Variants in GALNT13 observed in about 807,000 individuals in gnomAD.
The protein encoded by GALNT13 is UDP-GalNAc:polypeptide N-acetylgalactosaminyltransferase 13.
A neutral mutation model predicts 64.2 loss-of-function variants in GALNT13; 28 were observed. That is an observed-to-expected ratio of 0.44 (90% confidence interval 0.32 to 0.60). The LOEUF is 0.60. Among genes scored for constraint, GALNT13 ranks in the 20% least tolerant of loss-of-function variants. The probability of loss-of-function intolerance (pLI) is 0.05; values close to 1 mark genes in which losing one functional copy is unlikely to be tolerated. For synonymous variants in GALNT13, 214 were observed against 224.6 expected (o/e 0.95, Z 0.42); for missense variants, 577 against 669.8 (o/e 0.86, Z 1.53).
the GALNT13 span, among the ~76,000 whole-genome samples, chr2:153,527,765 A>C: frequency 2.6e-5 from 4 of 152,120 alleles, no homozygotes; most frequent in African/African-American, 9.6e-5. Context: ...GAATAACAAA[A>C]AGTTAAAAAG....
the GALNT13 span, among the ~76,000 whole-genome samples, chr2:153,659,452 C>T: frequency 1.5e-3 from 223 of 152,246 alleles, 2 homozygotes; most frequent in Middle Eastern, 6.8e-3. Context: ...CTGTTCATAT[C>T]TTTGCCTATC....
intron 3 of GALNT13, among the ~76,000 whole-genome samples, chr2:153,965,878 T>A (rs1159066186): frequency 2.0e-5 from 3 of 151,780 alleles, no homozygotes; most frequent in Non-Finnish European, 4.4e-5. Context: ...TTGTCTCTAC[T>A]TATATATTTT....
rs539286563 is a variant in GALNT13 at position 154,021,871 on chromosome 2, A to G, written c.142+77232A>G. On this transcript the variant is annotated intron_variant, in intron 3 of 12. Transcript: ENST00000392825. ...GATAGCTCTTATTATTTTGAGATAC[A>G]TCCCATCAATACCTAATTTATTGAG... 4.6e-3 allele frequency among the ~76,000 whole-genome samples: 695 copies of G among 150,956 alleles called. 4 individuals are homozygous for G. The highest frequency in any genetic ancestry group is 0.013 in the African/African-American group (548 of 40,982).
At chr2:153,855,341 T>G in the GALNT13 span, among the ~76,000 whole-genome samples, 1 of 152,068 alleles carries the variant, frequency 6.6e-6, no homozygotes, top group Non-Finnish European at 1.5e-5. Context: ...AACAAAGAAT[T>G]GAGAACTTTT....
intron 3 of GALNT13, among the ~76,000 whole-genome samples, chr2:153,993,786 CTT>C (rs1446548416): frequency 1.3e-5 from 2 of 151,106 alleles, no homozygotes; most frequent in African/African-American, 2.4e-5. Context: ...GTGGTAATGA[CTT>C]TTATTCTTTT....
At chr2:154,447,355 A>C (rs1269837619) in intron 12 of GALNT13, among the ~76,000 whole-genome samples, 2 of 151,936 alleles carry the variant, frequency 1.3e-5, no homozygotes, top group Non-Finnish European at 2.9e-5. Flanking sequence ...GTGGTTGCCT[A>C]AGTGAAACAA....
At chr2:153,291,565 C>T in the GALNT13 span, among the ~76,000 whole-genome samples, 1 of 152,092 alleles carries the variant, frequency 6.6e-6, no homozygotes, top group Non-Finnish European at 1.5e-5. Context: ...TCCCCACCAC[C>T]ATGCTGGGCC....
intron 3 of GALNT13, among the ~76,000 whole-genome samples, chr2:154,026,262 A>T (rs925239014): frequency 2.0e-5 from 3 of 152,162 alleles, no homozygotes; most frequent in African/African-American, 7.2e-5. Context: ...GATATTTGAC[A>T]ACTAGTTGGC....
the GALNT13 span, among the ~76,000 whole-genome samples, chr2:153,618,904 G>T: frequency 2.0e-5 from 3 of 151,862 alleles, no homozygotes; most frequent in East Asian, 5.8e-4. Context: ...TTTAGTCTGT[G>T]GTGTGTCTTT....
chr2:154,325,727 C>G (rs535260717), intron 9 of GALNT13, among the ~76,000 whole-genome samples: 52 of 152,026 alleles, frequency 3.4e-4, no homozygotes, highest in African/African-American at 1.2e-3. Context: ...TCACCTCATG[C>G]ATTGTAACTC....
At chr2:153,906,481 T>A (rs1688574067) in intron 2 of GALNT13, among the ~76,000 whole-genome samples, 2 of 150,050 alleles carry the variant, frequency 1.3e-5, no homozygotes, top group African/African-American at 4.9e-5. Context: ...CACCTATGAG[T>A]GAGAACATGC....
the GALNT13 span, among the ~76,000 whole-genome samples, chr2:153,070,545 A>G: frequency 2.0e-5 from 3 of 152,278 alleles, no homozygotes; most frequent in Admixed American, 1.3e-4. Context: ...ATAATAGGGG[A>G]AATTGTTTTT....
the GALNT13 span, among the ~76,000 whole-genome samples, chr2:153,496,527 A>G: frequency 6.6e-6 from 1 of 152,352 alleles, no homozygotes; most frequent in East Asian, 1.9e-4. Flanking sequence ...AGTTTTTTTC[A>G]GATCAATTTC....
chr2:154,187,280 A>G (rs1202110532), intron 4 of GALNT13, among the ~76,000 whole-genome samples: 2 of 151,880 alleles, frequency 1.3e-5, no homozygotes, highest in Non-Finnish European at 2.9e-5. Context: ...AATTGTGTCT[A>G]GTATAATTTT....
At chr2:153,906,864 A>G (rs1353116186) in intron 2 of GALNT13, among the ~76,000 whole-genome samples, 1 of 151,656 alleles carries the variant, frequency 6.6e-6, no homozygotes, top group African/African-American at 2.4e-5. Context: ...TCCCACCAAC[A>G]GTGTAAAAGT....
chr2:153,175,808 G>A, the GALNT13 span, among the ~76,000 whole-genome samples: 1 of 152,132 alleles, frequency 6.6e-6, no homozygotes, highest in East Asian at 1.9e-4. Flanking sequence ...GCCCTGCCAG[G>A]TGAATTGTAT....
At chr2:153,327,926 A>G in the GALNT13 span, among the ~76,000 whole-genome samples, 3 of 151,944 alleles carry the variant, frequency 2.0e-5, no homozygotes, top group African/African-American at 7.3e-5. Flanking sequence ...TCTCATCTTC[A>G]TGGATTTATC....
At chr2:154,164,239 A>T (rs1684898533) in intron 4 of GALNT13, among the ~76,000 whole-genome samples, 1 of 152,188 alleles carries the variant, frequency 6.6e-6, no homozygotes, top group Non-Finnish European at 1.5e-5. Flanking sequence ...CACAATCTTT[A>T]TCAGGAAAAA....
At chr2:153,576,947 G>A in the GALNT13 span, among the ~76,000 whole-genome samples, 1 of 151,908 alleles carries the variant, frequency 6.6e-6, no homozygotes, top group Non-Finnish European at 1.5e-5. Context: ...TTTACTTCAA[G>A]CTGCAAAGAT....
Sources: gnomAD v4.1 joint callset for allele counts (sites outside exome capture counted in the v4.1 genomes callset) on GRCh38, gnomAD v4.1.1 for gene constraint, MANE v1.5 for transcripts, NCBI Gene and HGNC (gene_info 2026-07-23, HGNC 2026-07-21) for gene names.